AXDND1: variants seen among roughly 807,000 people sequenced by gnomAD.
AXDND1 encodes the protein axonemal dynein light chain domain containing 1.
AXDND1 carries 110 observed loss-of-function variants against 137.5 expected under a neutral mutation model. That is an observed-to-expected ratio of 0.80 (90% CI 0.69 to 0.94). The LOEUF (loss-of-function observed/expected upper bound fraction) is 0.94, where lower values mean the gene tolerates loss of function less well. Among genes scored for constraint, AXDND1 ranks in the 40% least tolerant of loss-of-function variants. The probability of loss-of-function intolerance (pLI) is 0.00; values close to 1 mark genes in which losing one functional copy is unlikely to be tolerated. For synonymous variants in AXDND1, 414 were observed against 399.7 expected, an observed-to-expected ratio of 1.04 and a Z score of -0.43; for missense variants, 1,191 against 1,169.8, an observed-to-expected ratio of 1.02 and a Z score of -0.26.
intron 21 of AXDND1, among the ~76,000 whole-genome samples, chr1:179,513,358 T>C (rs763922937): frequency 2.0e-5 from 3 of 152,156 alleles, no homozygotes; most frequent in Non-Finnish European, 4.4e-5. Context: ...TTATGTGGTG[T>C]ATCACATTTA....
At chr1:179,412,120 G>T (rs1433594985) in intron 12 of AXDND1, among the ~76,000 whole-genome samples, 1 of 152,058 alleles carries the variant, frequency 6.6e-6, no homozygotes, top group African/African-American at 2.4e-5. Context: ...CAAAGTGCTG[G>T]GATTACATGC....
chr1:179,472,061 A>T (rs1019573770), intron 17 of AXDND1, among the ~76,000 whole-genome samples: 1 of 151,742 alleles, frequency 6.6e-6, no homozygotes, highest in African/African-American at 2.4e-5. Flanking sequence ...CGCCTGGCTA[A>T]TTTTTTTGTA....
chr1:179,412,945 A>G (rs1334124823), intron 12 of AXDND1, among the ~76,000 whole-genome samples: 1 of 152,100 alleles, frequency 6.6e-6, no homozygotes, highest in Non-Finnish European at 1.5e-5. Flanking sequence ...TGGGTTGTGG[A>G]AGTTCCCTTA....
At chr1:179,541,309 G>T (rs1672114691) in intron 25 of AXDND1, among the ~76,000 whole-genome samples, 1 of 152,182 alleles carries the variant, frequency 6.6e-6, no homozygotes, top group Non-Finnish European at 1.5e-5. Flanking sequence ...GCCCTGCCCT[G>T]CTTTGGCTCT....
intron 11 of AXDND1, among the ~76,000 whole-genome samples, chr1:179,396,367 C>T (rs1000744828): frequency 1.3e-5 from 2 of 151,200 alleles, no homozygotes; most frequent in Non-Finnish European, 3.0e-5. Context: ...AAAAAATTTG[C>T]GGCTGGGCAC....
intron 21 of AXDND1, among the ~76,000 whole-genome samples, chr1:179,524,001 A>C (rs1670309711): frequency 6.6e-6 from 1 of 152,134 alleles, no homozygotes; most frequent in South Asian, 2.1e-4. Flanking sequence ...TTAGAATAAC[A>C]GTCTCCAAAT....
At chr1:179,426,790 A>G (rs1484992018) in intron 12 of AXDND1, among the ~76,000 whole-genome samples, 1 of 152,242 alleles carries the variant, frequency 6.6e-6, no homozygotes, top group Admixed American at 6.5e-5. Context: ...GATGGCTATG[A>G]TAAGTAAAAG....
intron 12 of AXDND1, among the ~76,000 whole-genome samples, chr1:179,413,497 T>C (rs1295595841): frequency 6.6e-6 from 1 of 152,198 alleles, no homozygotes; most frequent in African/African-American, 2.4e-5. Flanking sequence ...GAACATGCAG[T>C]ATTTGATTTT....
intron 16 of AXDND1, chr1:179,456,644 A>G (rs78468552): frequency 3.5e-6 from 3 of 850,932 alleles, no homozygotes; most frequent in Non-Finnish European, 6.0e-6. Flanking sequence ...CATCACCACC[A>G]CAGCTGCCAC....
intron 16 of AXDND1, among the ~76,000 whole-genome samples, chr1:179,465,418 C>T (rs561957354): frequency 1.3e-4 from 20 of 152,344 alleles, no homozygotes; most frequent in African/African-American, 3.4e-4. Context: ...GTATCACCAG[C>T]GGAGGCTGCA....
At chr1:179,504,950 T>A (rs1183129541) in intron 20 of AXDND1, among the ~76,000 whole-genome samples, 1 of 152,202 alleles carries the variant, frequency 6.6e-6, no homozygotes, top group Non-Finnish European at 1.5e-5. Context: ...CAAGGGTATA[T>A]CAAGCGAGTT....
At chr1:179,448,405 C>A in intron 16 of AXDND1, 1 of 618,058 alleles carries the variant, frequency 1.6e-6, no homozygotes, top group Non-Finnish European at 3.0e-6. Flanking sequence ...TCCTTTCATC[C>A]ATTATGCATG....
Position 179,419,178 on chromosome 1 carries a change from G to C in AXDND1, c.1230+7912G>C, listed in dbSNP as rs1245181553. 3.2e-4 allele frequency among the ~76,000 whole-genome samples: 48 copies of C among 151,156 alleles called. 1 individual carries two copies. The highest frequency in any genetic ancestry group is 1.5e-5 in the Non-Finnish European group (1 of 67,710). On this transcript the variant is annotated intron_variant, in intron 12 of 25. Coordinates refer to ENST00000367618, the MANE Select transcript of AXDND1 (RefSeq NM_144696.6). ...GCTCCTCACATCCCAGACGATGGGC[G>C]GCCAGGCAGAGAGGCTCCTCACTTC...
intron 21 of AXDND1, among the ~76,000 whole-genome samples, chr1:179,514,877 AGCTACCCCTGCTC>A (rs1245878283): frequency 6.6e-6 from 1 of 152,174 alleles, no homozygotes; most frequent in Non-Finnish European, 1.5e-5. Context: ...ATATAAGAAT[AGCTACCCCTGCTC>A]GCTTTTGGTG....
Position 179,503,417 on chromosome 1 carries a change from T to G in AXDND1, c.2389-5879T>G, listed in dbSNP as rs183345883. Among the ~76,000 whole-genome samples, 850 of 152,168 alleles carry G rather than the reference T, an allele frequency of 5.6e-3. 8 individuals are homozygous for G. The highest frequency in any genetic ancestry group is 0.02 in the African/African-American group (817 of 41,546). On this transcript the variant is annotated intron_variant, in intron 20 of 25. Coordinates refer to ENST00000367618, the MANE Select transcript of AXDND1 (RefSeq NM_144696.6). ...TGGAGACTTTTCTAGGAAAATAGTA[T>G]CATTAATCCTTGAAGGAGAAAATTG...
chr1:179,443,294 T>C (rs1659275490), intron 15 of AXDND1, among the ~76,000 whole-genome samples: 1 of 152,230 alleles, frequency 6.6e-6, no homozygotes, highest in Admixed American at 6.5e-5. Context: ...AATGCTATTA[T>C]CTAATTGTCA....
In AXDND1 at chr1:179,378,729, C is replaced by A; in HGVS notation, c.467C>A (p.Ser156Ter). ...CCACATTTGGCCCGTTCATTACAGTCACATGATGGTGTCATTGTGCCCCAT... is the reference window on the plus strand; with the variant it reads ...CCACATTTGGCCCGTTCATTACAGTAACATGATGGTGTCATTGTGCCCCAT... The part of the protein sequence containing the change: ...CPPHLARSLQ[S>*]HDGVIVPHKP... Residue 156 changes from serine to a stop codon, truncating the protein, a stop_gained, in exon 5 of 26, where the codon TCA becomes TAA. Transcript: ENST00000367618. LOFTEE classifies it high-confidence loss of function. The A allele has an allele frequency of 6.3e-7, 1 of 1,582,928 alleles. No individual in the cohort carries two copies. The highest frequency in any genetic ancestry group is 8.6e-7 in the Non-Finnish European group (1 of 1,162,624).
At chr1:179,479,813 C>T (rs1487471421) in intron 17 of AXDND1, among the ~76,000 whole-genome samples, 1 of 152,082 alleles carries the variant, frequency 6.6e-6, no homozygotes, top group Admixed American at 6.6e-5. Flanking sequence ...TTTCTTCCAC[C>T]AGATATTCTA....
intron 18 of AXDND1, among the ~76,000 whole-genome samples, chr1:179,488,060 A>T (rs55910743): frequency 0.53 from 71,658 of 136,218 alleles, 20,994 homozygotes; most frequent in East Asian, 0.76. Flanking sequence ...GGTTTTTTTT[A>T]AATTAACTAG....
Sources: gnomAD v4.1 joint callset for allele counts (sites outside exome capture counted in the v4.1 genomes callset) on GRCh38, gnomAD v4.1.1 for gene constraint, MANE v1.5 for transcripts, NCBI Gene and HGNC (gene_info 2026-07-23, HGNC 2026-07-21) for gene names.